BBS7: variants seen among roughly 807,000 people sequenced by gnomAD.
The protein encoded by BBS7 is BBSome complex member BBS7.
In BBS7, 50 loss-of-function variants were observed where a neutral mutation model predicts 90.3. That is an observed-to-expected ratio of 0.55 (90% confidence interval 0.44 to 0.70). The LOEUF is 0.70. Ranked by LOEUF, BBS7 falls within the 30% of genes least tolerant of loss-of-function variation. The pLI is 0.00. For synonymous variants in BBS7, 235 were observed against 287.4 expected (o/e 0.82, Z 1.85); for missense variants, 729 against 838.9 (o/e 0.87, Z 1.62).
At chr4:121,835,117 A>C in intron 14 of BBS7, 27 bp downstream of exon 14, 1 of 1,612,090 alleles carries the variant, frequency 6.2e-7, no homozygotes, top group Admixed American at 1.7e-5. Flanking sequence ...ATATCCTAAA[A>C]AGAATTTGCT....
intron 4 of BBS7, among the ~76,000 whole-genome samples, chr4:121,860,260 G>A (rs1157457181): frequency 1.3e-5 from 2 of 151,730 alleles, no homozygotes; most frequent in African/African-American, 4.8e-5. Context: ...CATTATATTG[G>A]CCAAAGTACT....
chr4:121,864,129 C>A (rs948838624), intron 2 of BBS7, among the ~76,000 whole-genome samples: 1 of 152,158 alleles, frequency 6.6e-6, no homozygotes, highest in Admixed American at 6.5e-5. Context: ...TGAGGTAGAA[C>A]ACAGTTTCAT....
chr4:121,825,802 C>G lies in BBS7; in HGVS notation c.*58G>C. ...ACATACACAGTTAACTTCTAATTCTCTTTTAACATTTTTCATTTAAACAGA... is the reference window on the plus strand; with the variant it reads ...ACATACACAGTTAACTTCTAATTCTGTTTTAACATTTTTCATTTAAACAGA... On this transcript the variant is annotated 3_prime_UTR_variant, in exon 19 of 19. Coordinates refer to ENST00000264499, the MANE Select transcript of BBS7 (RefSeq NM_176824.3). 1 of 1,568,092 alleles carries G rather than the reference C, an allele frequency of 6.4e-7. No homozygotes were observed. The highest frequency in any genetic ancestry group is 1.1e-5 in the South Asian group (1 of 88,792).
At chr4:121,849,897 G>A (rs1167924293) in intron 8 of BBS7, among the ~76,000 whole-genome samples, 1 of 152,100 alleles carries the variant, frequency 6.6e-6, no homozygotes, top group Non-Finnish European at 1.5e-5. Flanking sequence ...TCTATTATCT[G>A]AATTCCATAC....
intron 4 of BBS7, among the ~76,000 whole-genome samples, 198 bp from the exon 5 acceptor site, chr4:121,859,376 G>A (rs1254199894): frequency 1.3e-5 from 2 of 152,032 alleles, no homozygotes; most frequent in Admixed American, 6.6e-5. Flanking sequence ...TGAAAATGAG[G>A]ATGTTAAGGC....
chr4:121,841,267 T>A (rs1725725122), intron 12 of BBS7, among the ~76,000 whole-genome samples: 1 of 151,474 alleles, frequency 6.6e-6, no homozygotes, highest in Admixed American at 6.6e-5. Flanking sequence ...CATGAAAAAA[T>A]GACTGGGCTG....
At chr4:121,865,278 G>A (rs1050727652) in intron 2 of BBS7, among the ~76,000 whole-genome samples, 1 of 149,942 alleles carries the variant, frequency 6.7e-6, no homozygotes, top group African/African-American at 2.5e-5. Flanking sequence ...TGCCCTTGTC[G>A]GCCAGGCTGG....
chr4:121,855,361 TGTTA>T (rs1726554822), intron 6 of BBS7, 124 bp downstream of exon 6: 3 of 861,404 alleles, frequency 3.5e-6, no homozygotes, highest in Admixed American at 1.8e-5. Flanking sequence ...TAACTCGTGC[TGTTA>T]GTTACTGGCA....
At chr4:121,848,189 A>G (rs1726120397) in intron 9 of BBS7, among the ~76,000 whole-genome samples, 2 of 152,208 alleles carry the variant, frequency 1.3e-5, no homozygotes, top group African/African-American at 4.8e-5. Flanking sequence ...TGATTGACTA[A>G]TACAGCAGCC....
intron 18 of BBS7, chr4:121,827,834 AGCTCT>A: frequency 9.9e-7 from 1 of 1,011,280 alleles, no homozygotes; most frequent in Non-Finnish European, 1.2e-6. Context: ...ATACAGTCTA[AGCTCT>A]AAAGGTTCAT....
chr4:121,849,643 A>G (rs1726206517), intron 8 of BBS7, among the ~76,000 whole-genome samples: 1 of 152,152 alleles, frequency 6.6e-6, no homozygotes, highest in African/African-American at 2.4e-5. Flanking sequence ...CCTGTCCAAC[A>G]TGGTGAAACC....
intron 5 of BBS7, among the ~76,000 whole-genome samples, chr4:121,857,830 G>A (rs966555): frequency 0.33 from 42,812 of 128,546 alleles, 7,912 homozygotes; most frequent in East Asian, 0.46. Context: ...TTTTTGAGAT[G>A]GAGTCTCCCT....
At position 121,848,910 on chromosome 4, in the gene BBS7, T is replaced by C. The variant is rs777437511; in HGVS notation, c.868A>G (p.Thr290Ala). 6.2e-7 allele frequency: 1 copy of C among 1,613,818 alleles called. No individual in the cohort carries two copies. Among genetic ancestry groups the C allele is most frequent in the Non-Finnish European group, 8.5e-7 (1 of 1,179,984 alleles). Reference sequence around the variant, plus strand: ...CCTACACAACCACCCTGGATAGATGTGACGCTTTCAGACAACATCTAAAAA... The same window carrying C: ...CCTACACAACCACCCTGGATAGATGCGACGCTTTCAGACAACATCTAAAAA... ...RFDQMLSESV[T>A]SIQGGCVGKD... Residue 290 changes from threonine (T) to alanine (A), a missense_variant, in exon 9 of 19, where the codon ACA (threonine) becomes GCA (alanine). By Grantham distance (58) the Thr-to-Ala change is moderately conservative. Coordinates refer to ENST00000264499, the MANE Select transcript of BBS7 (RefSeq NM_176824.3).
At chr4:121,839,993 A>G (rs1360859322) in intron 12 of BBS7, among the ~76,000 whole-genome samples, 1 of 152,232 alleles carries the variant, frequency 6.6e-6, no homozygotes, top group African/African-American at 2.4e-5. Flanking sequence ...AGTTTTTACA[A>G]TAACATTTTT....
chr4:121,855,209 G>A (rs1726543229), intron 6 of BBS7, among the ~76,000 whole-genome samples: 1 of 152,124 alleles, frequency 6.6e-6, no homozygotes, highest in African/African-American at 2.4e-5. Context: ...TAGGGAGGCT[G>A]AGGTGGGAGG....
Position 121,829,458 on chromosome 4 carries a change from G to A in BBS7, c.1677-730C>T, listed in dbSNP as rs922700677. Among the ~76,000 whole-genome samples, 6 of 152,104 alleles carry A rather than the reference G, an allele frequency of 3.9e-5. No individual in the cohort carries two copies. In the South Asian group the frequency reaches 6.2e-4, roughly 16 times the overall value. On this transcript the variant is annotated intron_variant, in intron 15 of 18. Transcript: ENST00000264499. ...TCACCATGTTGGCCAGGATGGTCTC[G>A]ATCTCCTGACCTTGTGATCCGCCCA... is the stretch of plus-strand genomic sequence containing the variant.
intron 15 of BBS7, among the ~76,000 whole-genome samples, chr4:121,832,611 A>G (rs1725254114): frequency 6.6e-6 from 1 of 152,210 alleles, no homozygotes; most frequent in African/African-American, 2.4e-5. Context: ...GAGGGGTGCA[A>G]CTAGAAGCTT....
intron 5 of BBS7, among the ~76,000 whole-genome samples, chr4:121,855,837 T>A (rs1004325870): frequency 2.0e-5 from 3 of 151,852 alleles, no homozygotes; most frequent in African/African-American, 7.3e-5. Flanking sequence ...TATACACATA[T>A]GTATACATAT....
rs1372080558 is a variant in BBS7, at chr4:121,845,663, C to T, written c.1071G>A (p.Leu357=). ...NELEHLQYKV[L]QERENYQQSS... is the part of the protein sequence containing the mutation. ...ACTGTTGATAATTCTCTCTTTCCTG[C>T]AATACCTTATACTGCAAATGTTCCA... is the stretch of plus-strand genomic sequence containing the variant. The change falls in exon 11 of 19, where the codon TTG becomes TTA. Residue 357 remains leucine (L), a synonymous_variant. Transcript: ENST00000264499. The T allele has an allele frequency of 6.2e-7, 1 of 1,613,066 alleles. No individual in the cohort carries two copies. Among genetic ancestry groups the T allele is most frequent in the Non-Finnish European group, 8.5e-7 (1 of 1,179,464 alleles).
Sources: gnomAD v4.1 joint callset for allele counts (sites outside exome capture counted in the v4.1 genomes callset) on GRCh38, gnomAD v4.1.1 for gene constraint, MANE v1.5 for transcripts, NCBI Gene and HGNC (gene_info 2026-07-23, HGNC 2026-07-21) for gene names.